Variants in KCNK9 observed in about 807,000 individuals in gnomAD.
The protein encoded by KCNK9 is potassium channel subfamily K member 9.
KCNK9 carries 1 observed loss-of-function variant against 10.8 expected under a neutral mutation model. That is an observed-to-expected ratio of 0.09 (90% CI 0.03 to 0.44). The LOEUF (loss-of-function observed/expected upper bound fraction) is 0.44. Ranked by LOEUF, KCNK9 falls within the 20% of genes least tolerant of loss-of-function variation. The pLI is 0.97. For synonymous variants in KCNK9, 231 were observed against 222.7 expected (o/e 1.04, Z -0.33); for missense variants, 303 against 515.0 (o/e 0.59, Z 3.98).
chr8:139,614,199 G>A (rs1015783355), downstream of KCNK9, among the ~76,000 whole-genome samples: 2 of 152,130 alleles, frequency 1.3e-5, no homozygotes, highest in Non-Finnish European at 2.9e-5. Flanking sequence ...AGAGAAAAAC[G>A]ACCTGCCTAG....
At chr8:139,664,637 C>T (rs1451884632) in intron 1 of KCNK9, among the ~76,000 whole-genome samples, 1 of 152,204 alleles carries the variant, frequency 6.6e-6, no homozygotes, top group Non-Finnish European at 1.5e-5. Context: ...AGGGCACAGA[C>T]CCCGCCCTCC....
intron 1 of KCNK9, among the ~76,000 whole-genome samples, chr8:139,657,293 AACC>A (rs1156855947): frequency 1.3e-5 from 2 of 152,182 alleles, no homozygotes; most frequent in Non-Finnish European, 2.9e-5. Flanking sequence ...CTGGCTAGAA[AACC>A]ACCACCACTT....
Position 139,618,264 on chromosome 8 carries a change from G to C in KCNK9, c.1119C>G (p.Ser373=). ...DHQRLMKRRK[S]V Reference sequence around the variant, plus strand: ...CCCATTTCCCTCCCCACACCTAAACGGACTTCCGGCGTTTCATCAGCCTCT... The same window carrying C: ...CCCATTTCCCTCCCCACACCTAAACCGACTTCCGGCGTTTCATCAGCCTCT... The change falls in exon 2 of 2, where the codon TCC becomes TCG. Residue 373 remains serine, a synonymous_variant. Coordinates refer to ENST00000520439, the MANE Select transcript of KCNK9 (RefSeq NM_001282534.2). This position sits in a 1 kb window ranked among gnomAD's most constrained non-coding sequence, Gnocchi z 7.9. The C allele has an allele frequency of 6.2e-7, 1 of 1,614,170 alleles. No homozygotes were observed. The highest frequency in any genetic ancestry group is 8.5e-7 in the Non-Finnish European group (1 of 1,180,048).
At position 139,637,895 on chromosome 8, in the gene KCNK9, C is replaced by T. The variant is rs117371708; in HGVS notation, c.284-18796G>A. 7.4e-3 allele frequency among the ~76,000 whole-genome samples: 1,121 copies of T among 152,098 alleles called. 7 individuals carry two copies. Among genetic ancestry groups the T allele is most frequent in the Middle Eastern group, 0.027 (8 of 294 alleles). ...GCACTCCCCACACTTCCCTGGGCCA[C>T]TGATGCCTCCTCCATGCCCCTCTTC... On this transcript the variant is annotated intron_variant, in intron 1 of 1. Transcript: ENST00000520439.
chr8:139,638,008 T>C (rs565595207), intron 1 of KCNK9, among the ~76,000 whole-genome samples: 53 of 152,072 alleles, frequency 3.5e-4, no homozygotes, highest in African/African-American at 1.2e-3. Flanking sequence ...TTCCCTGAGC[T>C]CACTGAGCAC....
chr8:139,642,981 G>A (rs1029847234), intron 1 of KCNK9, among the ~76,000 whole-genome samples: 9 of 152,196 alleles, frequency 5.9e-5, no homozygotes, highest in East Asian at 3.9e-4. Context: ...CCCCTGCCAC[G>A]CTCAGGACCC....
At chr8:139,641,096 C>T (rs1815492311) in intron 1 of KCNK9, among the ~76,000 whole-genome samples, 5 of 152,352 alleles carry the variant, frequency 3.3e-5, no homozygotes, top group Admixed American at 3.3e-4. Context: ...GGAGGTGAGG[C>T]AGGTTCACTA....
At chr8:139,676,027 T>G (rs1816541815) in intron 1 of KCNK9, among the ~76,000 whole-genome samples, 1 of 152,176 alleles carries the variant, frequency 6.6e-6, no homozygotes, top group Non-Finnish European at 1.5e-5. Context: ...GCTCTCCTTT[T>G]CTATTGGCTA....
rs1374680686 is a variant in KCNK9, at chr8:139,617,718, G to A, written c.*540C>T. On this transcript the variant is annotated 3_prime_UTR_variant, in exon 2 of 2. Coordinates refer to ENST00000520439, the MANE Select transcript of KCNK9 (RefSeq NM_001282534.2). ...GCAGGCTATGATGTGTGATGGGAAAGAAAACGGAATACCTAATACTTCCCG... is the reference window on the plus strand; with the variant it reads ...GCAGGCTATGATGTGTGATGGGAAAAAAAACGGAATACCTAATACTTCCCG... 6.6e-6 allele frequency among the ~76,000 whole-genome samples: 1 copy of A among 152,170 alleles called. No individual in the cohort carries two copies. The highest frequency in any genetic ancestry group is 1.5e-5 in the Non-Finnish European group (1 of 68,036).
At chr8:139,670,152 T>G (rs1029581351) in intron 1 of KCNK9, among the ~76,000 whole-genome samples, 9 of 152,206 alleles carry the variant, frequency 5.9e-5, no homozygotes, top group African/African-American at 2.2e-4. Context: ...GAATGGCTGG[T>G]GGGTGGAGCA....
chr8:139,618,519 C>A lies in KCNK9; in HGVS notation c.864G>T (p.Ala288=). ...ACACAGACTGCAGGTCCGGGACGTCCGCCTTGTACCTGGGCCGGCTGGGCC... is the reference window on the plus strand; with the variant it reads ...ACACAGACTGCAGGTCCGGGACGTCAGCCTTGTACCTGGGCCGGCTGGGCC... The part of the protein sequence containing the change: ...EPRPSRPRYK[A]DVPDLQSVCS... The change falls in exon 2 of 2, where the codon GCG becomes GCT. Residue 288 remains alanine, a synonymous_variant. Coordinates refer to ENST00000520439, the MANE Select transcript of KCNK9 (RefSeq NM_001282534.2). This position sits in a 1 kb window ranked among gnomAD's most constrained non-coding sequence, Gnocchi z 7.9. 6.2e-7 allele frequency: 1 copy of A among 1,613,598 alleles called. No individual in the cohort carries two copies. Among genetic ancestry groups the A allele is most frequent in the East Asian group, 2.2e-5 (1 of 44,866 alleles).
chr8:139,606,788 A>G (rs925106090), intron 2 of KCNK9, among the ~76,000 whole-genome samples: 2 of 152,186 alleles, frequency 1.3e-5, no homozygotes, highest in Admixed American at 6.5e-5. Context: ...CGCCTCATCA[A>G]TGTTTTTGGA....
At chr8:139,665,697 G>GTTACACAA (rs1816281167) in intron 1 of KCNK9, among the ~76,000 whole-genome samples, 3 of 152,196 alleles carry the variant, frequency 2.0e-5, no homozygotes, top group Admixed American at 1.3e-4. Flanking sequence ...TGTAAAATGA[G>GTTACACAA]GTGGCCGTGC....
chr8:139,677,728 A>G (rs76030754), intron 1 of KCNK9, among the ~76,000 whole-genome samples: 2,540 of 54,306 alleles, frequency 0.047, 167 homozygotes, highest in African/African-American at 0.13. Context: ...TCCCAGCCCA[A>G]CGGGTCCCTA....
rs1278501109 is a variant in KCNK9 at position 139,677,940 on chromosome 8, T to C, written c.283+24770A>G. ...CAGCTACAGAGTAATACCTCACATC[T>C]CAGCCCAATGAGTCCCTACAGCTGC... On this transcript the variant is annotated intron_variant, in intron 1 of 1. Transcript: ENST00000520439. Among the ~76,000 whole-genome samples, 228 of 108,676 alleles carry C rather than the reference T, an allele frequency of 2.1e-3. 27 individuals carry two copies. Among genetic ancestry groups the C allele is most frequent in the African/African-American group, 0.012 (210 of 17,684 alleles). The allele number at this position is 108,676 out of a possible 152,430, so 71.3% of individuals were successfully genotyped here.
downstream of KCNK9, among the ~76,000 whole-genome samples, chr8:139,613,345 C>T (rs1188792202): frequency 1.3e-5 from 2 of 152,132 alleles, no homozygotes; most frequent in Non-Finnish European, 2.9e-5. Context: ...CATAGATTTG[C>T]TGTTTTCCTG....
chr8:139,642,856 G>A (rs78469396), intron 1 of KCNK9, among the ~76,000 whole-genome samples: 2 of 152,178 alleles, frequency 1.3e-5, no homozygotes, highest in Non-Finnish European at 2.9e-5. Flanking sequence ...AGCAGCAGGG[G>A]GTGTTTTTGT....
chr8:139,655,355 C>G (rs921905292), intron 1 of KCNK9, among the ~76,000 whole-genome samples: 1 of 152,204 alleles, frequency 6.6e-6, no homozygotes, highest in Non-Finnish European at 1.5e-5. Context: ...ACTCCTTCCC[C>G]GGCTTGTTCC....
intron 1 of KCNK9, among the ~76,000 whole-genome samples, chr8:139,645,265 G>A (rs56283753): frequency 6.6e-6 from 1 of 151,888 alleles, no homozygotes. Context: ...TGCAAGAAGG[G>A]GTCAGGATCC....
Sources: gnomAD v4.1 joint callset for allele counts (sites outside exome capture counted in the v4.1 genomes callset) on GRCh38, gnomAD v4.1.1 for gene constraint, Gnocchi (gnomAD v3.1) non-coding constraint, MANE v1.5 for transcripts, NCBI Gene and HGNC (gene_info 2026-07-23, HGNC 2026-07-21) for gene names.